CREBBP: variants seen among roughly 807,000 people sequenced by gnomAD.
CREBBP encodes the protein CREB-binding protein.
Under a neutral mutation model 265.0 loss-of-function variants are expected in CREBBP, and 19 were observed. The ratio of observed to expected loss-of-function variants is 0.07; its 90% CI spans 0.05 to 0.11. CREBBP has a LOEUF of 0.11. Among genes scored for constraint, CREBBP ranks in the 10% least tolerant of loss-of-function variants. The pLI, the probability that CREBBP is intolerant of heterozygous loss-of-function variation, is 1.00. For missense variants in CREBBP, 2,525 were observed against 3,219.0 expected (o/e 0.78, Z 5.22); for synonymous variants, 1,457 against 1,223.7 (o/e 1.19, Z -3.98).
At chr16:3,792,128 C>T in intron 4 of CREBBP, 34 bp from the exon 5 acceptor site, 1 of 1,512,668 alleles carries the variant, frequency 6.6e-7, no homozygotes, top group Non-Finnish European at 9.2e-7. Context: ...TGTTATTTTT[C>T]TATCCAAATC....
intron 23 of CREBBP, chr16:3,741,206 A>T (rs2052198265): frequency 6.0e-6 from 1 of 166,078 alleles, no homozygotes; most frequent in African/African-American, 2.4e-5. Context: ...CACAGGAGCT[A>T]GCCAGAGGCA....
chr16:3,830,242 C>G (rs899627472), intron 2 of CREBBP, among the ~76,000 whole-genome samples: 4 of 151,840 alleles, frequency 2.6e-5, no homozygotes, highest in African/African-American at 9.7e-5. Context: ...ACTAAAAATA[C>G]AAAAAAATAG....
At chr16:3,818,410 C>T (rs1165012882) in intron 2 of CREBBP, among the ~76,000 whole-genome samples, 2 of 149,206 alleles carry the variant, frequency 1.3e-5, no homozygotes, top group African/African-American at 2.5e-5. Flanking sequence ...CTGGTTCAAG[C>T]GATTCTCCCG....
intron 3 of CREBBP, among the ~76,000 whole-genome samples, chr16:3,802,931 C>A (rs1165137818): frequency 6.6e-6 from 1 of 152,234 alleles, no homozygotes; most frequent in South Asian, 2.1e-4. Context: ...AGGGCTGGCT[C>A]TGCAATAACC....
chr16:3,834,427 T>C lies in CREBBP; in HGVS notation c.798+15870A>G, dbSNP rs146175149. 3.9e-5 allele frequency among the ~76,000 whole-genome samples: 6 copies of C among 152,234 alleles called. No individual in the cohort carries two copies. The East Asian group carries it at 1.2e-3, about 29-fold the overall frequency. Reference sequence around the variant, plus strand: ...GGAACCTTAAATACATATTATTAAATGAATGAGGCCAATGAGAAAAGGCTA... The same window carrying C: ...GGAACCTTAAATACATATTATTAAACGAATGAGGCCAATGAGAAAAGGCTA... On this transcript the variant is annotated intron_variant, in intron 2 of 30. Coordinates refer to ENST00000262367, the MANE Select transcript of CREBBP (RefSeq NM_004380.3).
chr16:3,819,065 T>C (rs2054093885), intron 2 of CREBBP, among the ~76,000 whole-genome samples: 1 of 152,266 alleles, frequency 6.6e-6, no homozygotes, highest in Admixed American at 6.5e-5. Context: ...AGGATCTGTC[T>C]ATGAAAACAG....
chr16:3,782,032 T>C (rs967345542), intron 6 of CREBBP, among the ~76,000 whole-genome samples: 2 of 152,216 alleles, frequency 1.3e-5, no homozygotes, highest in Non-Finnish European at 2.9e-5. Flanking sequence ...AGTCAGCCAG[T>C]CTTGACTTCA....
chr16:3,865,098 T>C (rs545729292), intron 1 of CREBBP, among the ~76,000 whole-genome samples: 1 of 152,330 alleles, frequency 6.6e-6, no homozygotes, highest in East Asian at 1.9e-4. Context: ...TAGCAATGTA[T>C]ACCTGGAGAA....
intron 2 of CREBBP, among the ~76,000 whole-genome samples, chr16:3,829,290 C>T (rs760146530): frequency 6.6e-6 from 1 of 152,160 alleles, no homozygotes; most frequent in Non-Finnish European, 1.5e-5. Context: ...AATCCTCAGA[C>T]GATTCAGAAG....
At chr16:3,732,748 T>A (rs943484120) in intron 28 of CREBBP, among the ~76,000 whole-genome samples, 2 of 151,782 alleles carry the variant, frequency 1.3e-5, no homozygotes, top group African/African-American at 4.8e-5. Context: ...TCACCCAAGC[T>A]GAAGTGCAAT....
intron 2 of CREBBP, among the ~76,000 whole-genome samples, chr16:3,834,104 C>A (rs910245980): frequency 2.6e-5 from 4 of 152,176 alleles, no homozygotes; most frequent in Non-Finnish European, 5.9e-5. Flanking sequence ...AAATCCAGAA[C>A]ACTGTCAACA....
chr16:3,810,838 C>T, intron 2 of CREBBP, 59 bp from the exon 3 acceptor site: 2 of 1,553,512 alleles, frequency 1.3e-6, no homozygotes, highest in East Asian at 4.5e-5. Context: ...AAAGGAAGGG[C>T]CTGGGAAATG....
At chr16:3,809,482 A>C (rs985102883) in intron 3 of CREBBP, among the ~76,000 whole-genome samples, 3 of 152,034 alleles carry the variant, frequency 2.0e-5, no homozygotes, top group African/African-American at 7.2e-5. Context: ...GGCCTCAACC[A>C]CCTTTTTAAA....
At position 3,851,027 on chromosome 16, in the gene CREBBP, A is replaced by G; in HGVS notation, c.86-18T>C. 1 of 1,610,132 alleles carries G rather than the reference A, an allele frequency of 6.2e-7. No individual in the cohort carries two copies. The highest frequency in any genetic ancestry group is 1.1e-5 in the South Asian group (1 of 90,986). On this transcript the variant is annotated intron_variant, in intron 1 of 30. Transcript: ENST00000262367. ...TCCAAAATCTAGAAATTAAACAGAA[A>G]TGGAAATGAGAAACTAAGCAACCTT...
intron 2 of CREBBP, among the ~76,000 whole-genome samples, chr16:3,814,662 G>A (rs1296049418): frequency 1.3e-5 from 2 of 152,096 alleles, no homozygotes; most frequent in Non-Finnish European, 2.9e-5. Context: ...ATAAGAGAGT[G>A]AAGGAAACAG....
chr16:3,857,159 A>G (rs1451147268), intron 1 of CREBBP, among the ~76,000 whole-genome samples: 3 of 152,110 alleles, frequency 2.0e-5, no homozygotes, highest in Non-Finnish European at 4.4e-5. Context: ...TTCTTATCAA[A>G]TTCACAGGCA....
At chr16:3,734,983 TC>T (rs2052015198) in intron 28 of CREBBP, among the ~76,000 whole-genome samples, 1 of 152,024 alleles carries the variant, frequency 6.6e-6, no homozygotes, top group African/African-American at 2.4e-5. Context: ...CAATCGCCTG[TC>T]CCAAGTTCTG....
Position 3,850,176 on chromosome 16 carries a change from T to C in CREBBP, c.798+121A>G, listed in dbSNP as rs2054797187. ...GAAATCTGTCTCTTCCAAGCATGAG[T>C]GGCACGTGGAGAGCCCAAGAGGAAA... is the stretch of plus-strand genomic sequence containing the variant. On this transcript the variant is annotated intron_variant, in intron 2 of 30. Transcript: ENST00000262367. 6.7e-6 allele frequency: 6 copies of C among 898,006 alleles called. No homozygotes were observed. In the South Asian group the frequency reaches 6.7e-5, roughly 10 times the overall value. The allele number at this position is 898,006 out of a possible 1,614,324, so 55.6% of individuals were successfully genotyped here.
chr16:3,786,913 A>C (rs2141265062), intron 5 of CREBBP, among the ~76,000 whole-genome samples: 1 of 152,220 alleles, frequency 6.6e-6, no homozygotes, highest in Non-Finnish European at 1.5e-5. Context: ...TCTCTGCTAA[A>C]AATACATAAA....
Sources: gnomAD v4.1 joint callset for allele counts (sites outside exome capture counted in the v4.1 genomes callset) on GRCh38, gnomAD v4.1.1 for gene constraint, MANE v1.5 for transcripts, NCBI Gene and HGNC (gene_info 2026-07-23, HGNC 2026-07-21) for gene names.